The following CORO2A variants were observed in gnomAD, a reference collection of about 807,000 sequenced individuals.
CORO2A encodes coronin 2A, also known as coronin-2A.
A neutral mutation model predicts 62.4 loss-of-function variants in CORO2A; 47 were observed. The ratio of observed to expected loss-of-function variants is 0.75; its 90% CI spans 0.60 to 0.96. The LOEUF (loss-of-function observed/expected upper bound fraction) is 0.96. CORO2A is among the 40% of genes least tolerant of loss of function. CORO2A has a pLI of 0.00. For missense variants in CORO2A, 610 were observed against 684.1 expected, an observed-to-expected ratio of 0.89 and a Z score of 1.21; for synonymous variants, 273 against 268.9, an observed-to-expected ratio of 1.02 and a Z score of -0.15.
intron 2 of CORO2A, among the ~76,000 whole-genome samples, chr9:98,143,603 C>T (rs1233131883): frequency 6.6e-6 from 1 of 152,186 alleles, no homozygotes; most frequent in East Asian, 1.9e-4. Flanking sequence ...AGTAGTAGCA[C>T]CTCATTCACA....
At chr9:98,157,775 A>C in intron 1 of CORO2A, 115 bp from the exon 2 acceptor site, 1 of 926,424 alleles carries the variant, frequency 1.1e-6, no homozygotes, top group Non-Finnish European at 1.7e-6. Flanking sequence ...TGGTCAGTTC[A>C]ACGTGGACGG....
chr9:98,185,746 T>A (rs1369966172), intron 1 of CORO2A, among the ~76,000 whole-genome samples: 1 of 152,218 alleles, frequency 6.6e-6, no homozygotes, highest in African/African-American at 2.4e-5. Context: ...CCCTTGCACT[T>A]CTTACTTCAT....
chr9:98,140,698 C>T (rs1178654316), intron 2 of CORO2A, among the ~76,000 whole-genome samples: 1 of 152,130 alleles, frequency 6.6e-6, no homozygotes, highest in African/African-American at 2.4e-5. Context: ...TCCCAACTTG[C>T]CCTCCTAAAG....
At chr9:98,182,508 C>A (rs1173538324) in intron 1 of CORO2A, among the ~76,000 whole-genome samples, 1 of 152,178 alleles carries the variant, frequency 6.6e-6, no homozygotes, top group East Asian at 1.9e-4. Context: ...AATGACCAGG[C>A]CACTGGAGCA....
intron 2 of CORO2A, among the ~76,000 whole-genome samples, chr9:98,153,134 C>T (rs943871151): frequency 2.0e-5 from 3 of 152,114 alleles, no homozygotes; most frequent in African/African-American, 7.2e-5. Flanking sequence ...GAGTTTTGCT[C>T]TGTCACCCAG....
intron 1 of CORO2A, among the ~76,000 whole-genome samples, chr9:98,180,733 T>C (rs1828166281): frequency 6.6e-6 from 1 of 151,912 alleles, no homozygotes; most frequent in Non-Finnish European, 1.5e-5. Context: ...ACCTGCCACA[T>C]GTGACCAGCC....
rs769898149 is a variant in CORO2A, at chr9:98,131,056, T to A, written c.769A>T (p.Asn257Tyr). ...TCCTCCATCAGAGGCACAGAGAGGTTATCCTGCAGGGGAAGGGGAGGCAGG... is the reference window on the plus strand; with the variant it reads ...TCCTCCATCAGAGGCACAGAGAGGTAATCCTGCAGGGGAAGGGGAGGCAGG... ...NRQVALWDQDNLSVPLMEEDL... is the reference protein window; with the variant it reads ...NRQVALWDQDYLSVPLMEEDL... Residue 257 changes from asparagine to tyrosine, a missense_variant, in exon 7 of 12, where the codon AAC becomes TAC. By Grantham distance (143) the Asn-to-Tyr change is moderately radical. Coordinates refer to ENST00000375077, the MANE Select transcript of CORO2A (RefSeq NM_052820.4). 77 of 1,610,502 alleles carry A rather than the reference T, an allele frequency of 4.8e-5. No homozygotes were observed. Among genetic ancestry groups the A allele is most frequent in the Non-Finnish European group, 6.5e-5 (77 of 1,178,242 alleles).
chr9:98,139,285 G>A (rs1008463475), intron 2 of CORO2A, among the ~76,000 whole-genome samples: 2 of 151,718 alleles, frequency 1.3e-5, no homozygotes, highest in Non-Finnish European at 2.9e-5. Flanking sequence ...ACCTTAAAAC[G>A]GTGAATTTTC....
At chr9:98,172,184 A>G (rs1828045768) in intron 1 of CORO2A, among the ~76,000 whole-genome samples, 1 of 151,892 alleles carries the variant, frequency 6.6e-6, no homozygotes, top group Non-Finnish European at 1.5e-5. Context: ...AGATGCTGGA[A>G]GCCCCACACC....
chr9:98,129,039 C>G (rs1050143850), intron 8 of CORO2A, among the ~76,000 whole-genome samples: 1 of 152,172 alleles, frequency 6.6e-6, no homozygotes, highest in Non-Finnish European at 1.5e-5. Context: ...CTCAAGCGAT[C>G]CTCCTGCCTT....
chr9:98,142,698 G>C (rs1198384361), intron 2 of CORO2A, among the ~76,000 whole-genome samples: 1 of 151,762 alleles, frequency 6.6e-6, no homozygotes, highest in Admixed American at 6.6e-5. Flanking sequence ...AGGCGCCTTA[G>C]GGTTGGGCGT....
intron 1 of CORO2A, among the ~76,000 whole-genome samples, chr9:98,171,808 C>T (rs1336927556): frequency 2.0e-5 from 3 of 151,784 alleles, no homozygotes; most frequent in African/African-American, 2.4e-5. Flanking sequence ...AATGGGGCTG[C>T]CGCTGGGAGA....
chr9:98,134,747 GT>G, intron 4 of CORO2A, 58 bp downstream of exon 4: 3 of 1,511,664 alleles, frequency 2.0e-6, no homozygotes, highest in Non-Finnish European at 2.7e-6. Context: ...CATTTCCATT[GT>G]ATTCCAGTTT....
chr9:98,172,644 G>A (rs1369798420), intron 1 of CORO2A: 1 of 152,320 alleles, frequency 6.6e-6, no homozygotes, highest in African/African-American at 2.4e-5. Flanking sequence ...TTAACATGGA[G>A]ATAAATGCCT....
chr9:98,126,946 T>C, intron 10 of CORO2A, 123 bp from the exon 11 acceptor site: 1 of 1,094,388 alleles, frequency 9.1e-7, no homozygotes, highest in Non-Finnish European at 1.3e-6. Context: ...GCAACATGTG[T>C]GGGAAATACA....
At chr9:98,187,596 G>A (rs947330358) in intron 1 of CORO2A, among the ~76,000 whole-genome samples, 4 of 152,120 alleles carry the variant, frequency 2.6e-5, no homozygotes, top group Admixed American at 6.5e-5. Flanking sequence ...ATAGAATGGC[G>A]CCTTCTTACT....
Position 98,122,229 on chromosome 9 carries a change from C to T in CORO2A, c.*2545G>A, listed in dbSNP as rs1827252471. ...TTCATCTTTATTGCAAATAGGTACA[C>T]ATGCAGTCTTCCATCTTCACTGTAC... On this transcript the variant is annotated 3_prime_UTR_variant, in exon 12 of 12. Transcript: ENST00000375077. 6.6e-6 allele frequency: 1 copy of T among 152,208 alleles called. No homozygotes were observed. The highest frequency in any genetic ancestry group is 1.5e-5 in the Non-Finnish European group (1 of 68,052). 9.4% of individuals were successfully genotyped at this position (152,208 alleles called of 1,614,324 possible).
intron 1 of CORO2A, among the ~76,000 whole-genome samples, chr9:98,167,066 T>C (rs1025696314): frequency 6.9e-6 from 1 of 144,734 alleles, no homozygotes; most frequent in Non-Finnish European, 1.5e-5. Flanking sequence ...ATTATACCAC[T>C]GTACTCCAGT....
Position 98,122,987 on chromosome 9 carries a change from T to C in CORO2A, c.*1787A>G, listed in dbSNP as rs956856653. On this transcript the variant is annotated 3_prime_UTR_variant, in exon 12 of 12. Coordinates refer to ENST00000375077, the MANE Select transcript of CORO2A (RefSeq NM_052820.4). ...CTGACCCCTTGCCAGTGTCCGTTAG[T>C]TTCTGTAGCAAACCCAGATCACCCC... 3 of 152,272 alleles carry C rather than the reference T, an allele frequency of 2.0e-5. No individual in the cohort carries two copies. The highest frequency in any genetic ancestry group is 4.4e-5 in the Non-Finnish European group (3 of 68,078). The allele number at this position is 152,272 out of a possible 1,614,324, so 9.4% of individuals were successfully genotyped here. A position where few individuals can be genotyped will look rare whatever the true frequency, so the allele number is the denominator to read the frequency against.
Sources: allele counts gnomAD v4.1 joint callset (sites outside exome capture counted in the v4.1 genomes callset), GRCh38; gene constraint gnomAD v4.1.1; transcripts MANE v1.5; gene names NCBI Gene and HGNC (gene_info 2026-07-23, HGNC 2026-07-21).